Variants in YAP1 observed in about 807,000 individuals in gnomAD.
The protein encoded by YAP1 is transcriptional coactivator YAP1.
YAP1 carries 5 observed loss-of-function variants against 56.9 expected under a neutral mutation model. The ratio of observed to expected loss-of-function variants is 0.09; its 90% CI spans 0.05 to 0.18. The LOEUF (loss-of-function observed/expected upper bound fraction) is 0.18, where lower values mean the gene tolerates loss of function less well. YAP1 is among the 10% of genes least tolerant of loss of function. The pLI, the probability that YAP1 is intolerant of heterozygous loss-of-function variation, is 1.00. For missense variants in YAP1, 539 were observed against 651.8 expected, an observed-to-expected ratio of 0.83 and a Z score of 1.88; for synonymous variants, 265 against 248.1, an observed-to-expected ratio of 1.07 and a Z score of -0.64.
At chr11:102,137,684 T>G (rs952523132) in intron 2 of YAP1, among the ~76,000 whole-genome samples, 1 of 152,178 alleles carries the variant, frequency 6.6e-6, no homozygotes, top group African/African-American at 2.4e-5. Flanking sequence ...TTGAAACTAT[T>G]AGCACACACA....
chr11:102,219,339 G>T (rs1179900438), intron 6 of YAP1, among the ~76,000 whole-genome samples: 3 of 152,082 alleles, frequency 2.0e-5, no homozygotes, highest in Admixed American at 2.0e-4. Context: ...AAATAATTAC[G>T]ATATTTTGTG....
At chr11:102,164,036 T>A (rs1418329085) in intron 3 of YAP1, among the ~76,000 whole-genome samples, 21 of 144,344 alleles carry the variant, frequency 1.5e-4, no homozygotes, top group African/African-American at 3.9e-4. Flanking sequence ...AAGTAAAAAT[T>A]TTTTTTTTTT....
At chr11:102,111,265 G>T in intron 1 of YAP1, 96 bp downstream of exon 1, 1 of 1,459,086 alleles carries the variant, frequency 6.9e-7, no homozygotes, top group Non-Finnish European at 9.2e-7. Context: ...GTCAGGGGAG[G>T]GGGGTTGCGG....
At chr11:102,171,295 A>G (rs1591308090) in intron 3 of YAP1, among the ~76,000 whole-genome samples, 2 of 152,324 alleles carry the variant, frequency 1.3e-5, no homozygotes, top group Non-Finnish European at 2.9e-5. Context: ...GACTCATAGG[A>G]GGAATATTTG....
chr11:102,185,219 CCT>C (rs1039198177), intron 3 of YAP1, among the ~76,000 whole-genome samples: 14 of 152,122 alleles, frequency 9.2e-5, no homozygotes, highest in African/African-American at 3.4e-4. Flanking sequence ...TTATTCTGGG[CCT>C]CTCTTTTCAT....
At chr11:102,165,206 A>G (rs1308398447) in intron 3 of YAP1, among the ~76,000 whole-genome samples, 2 of 152,022 alleles carry the variant, frequency 1.3e-5, no homozygotes, top group Non-Finnish European at 2.9e-5. Flanking sequence ...AAAAAAAAAA[A>G]AATAGTCTGT....
At chr11:102,137,712 T>A (rs1565446537) in intron 2 of YAP1, among the ~76,000 whole-genome samples, 1 of 152,080 alleles carries the variant, frequency 6.6e-6, no homozygotes, top group African/African-American at 2.4e-5. Context: ...GTGGGTTGAT[T>A]TAGTTCTAAA....
intron 2 of YAP1, among the ~76,000 whole-genome samples, chr11:102,145,456 C>T (rs1455399007): frequency 6.6e-6 from 1 of 152,170 alleles, no homozygotes; most frequent in Non-Finnish European, 1.5e-5. Flanking sequence ...AAGTTGCTAT[C>T]AAATGTGGAA....
intron 3 of YAP1, among the ~76,000 whole-genome samples, chr11:102,184,387 C>T (rs1044785003): frequency 6.6e-6 from 1 of 152,272 alleles, no homozygotes; most frequent in Non-Finnish European, 1.5e-5. Flanking sequence ...ATGTGATAAA[C>T]AGGTTTGCTT....
At chr11:102,162,188 T>A (rs1338520463) in intron 2 of YAP1, among the ~76,000 whole-genome samples, 1 of 152,224 alleles carries the variant, frequency 6.6e-6, no homozygotes, top group Non-Finnish European at 1.5e-5. Context: ...AATAATTATC[T>A]TAATAGTTGA....
intron 4 of YAP1, among the ~76,000 whole-genome samples, chr11:102,200,205 CAG>C (rs1165774019): frequency 2.0e-5 from 3 of 152,048 alleles, no homozygotes; most frequent in African/African-American, 7.2e-5. Context: ...AACAAAATGT[CAG>C]AATTTATTCT....
At chr11:102,171,535 C>T (rs901568282) in intron 3 of YAP1, among the ~76,000 whole-genome samples, 24 of 152,110 alleles carry the variant, frequency 1.6e-4, no homozygotes, top group African/African-American at 5.3e-4. Context: ...ATTTGTTTTT[C>T]CTTCGGCAAA....
intron 6 of YAP1, among the ~76,000 whole-genome samples, chr11:102,223,289 A>G (rs969065016): frequency 6.6e-6 from 1 of 151,616 alleles, no homozygotes; most frequent in Admixed American, 6.6e-5. Context: ...TTTTTTTTTA[A>G]AGACCAGACT....
intron 6 of YAP1, among the ~76,000 whole-genome samples, chr11:102,222,281 T>C (rs1247181756): frequency 6.6e-6 from 1 of 152,082 alleles, no homozygotes; most frequent in East Asian, 1.9e-4. Context: ...TGTATGTATT[T>C]CAAATCAAAC....
chr11:102,118,060 A>G (rs1026907728), intron 2 of YAP1, among the ~76,000 whole-genome samples: 1 of 152,214 alleles, frequency 6.6e-6, no homozygotes, highest in African/African-American at 2.4e-5. Flanking sequence ...CTGATGCCTT[A>G]TAACTATTAC....
chr11:102,230,368 G>C lies in YAP1; in HGVS notation c.*428G>C, dbSNP rs1461079049. On this transcript the variant is annotated 3_prime_UTR_variant, in exon 9 of 9. Transcript: ENST00000282441. ...TTGTTTCTTCAGCTTCCTTTGTCCA[G>C]TGGAAAAACATGATTTACTGGTCTG... is the stretch of plus-strand genomic sequence containing the variant. 6.2e-6 allele frequency: 1 copy of C among 160,850 alleles called. No homozygotes were observed. Among genetic ancestry groups the C allele is most frequent in the Non-Finnish European group, 1.4e-5 (1 of 73,216 alleles). The allele number at this position is 160,850 out of a possible 1,614,324, so 10.0% of individuals were successfully genotyped here.
At chr11:102,221,857 GTTCTA>G (rs1949950309) in intron 6 of YAP1, among the ~76,000 whole-genome samples, 1 of 152,026 alleles carries the variant, frequency 6.6e-6, no homozygotes, top group Non-Finnish European at 1.5e-5. Flanking sequence ...ACATTTATAT[GTTCTA>G]TTGGTGAAAA....
chr11:102,143,183 A>G (rs1286916674), intron 2 of YAP1, among the ~76,000 whole-genome samples: 1 of 152,174 alleles, frequency 6.6e-6, no homozygotes, highest in African/African-American at 2.4e-5. Flanking sequence ...GCATAGGTTA[A>G]GAGAAATATA....
chr11:102,201,706 AAC>A (rs1461949615), intron 4 of YAP1, among the ~76,000 whole-genome samples: 4 of 152,194 alleles, frequency 2.6e-5, no homozygotes, highest in African/African-American at 9.7e-5. Context: ...CATGAGAAAA[AAC>A]AGTTGTTACA....
Sources: allele counts gnomAD v4.1 joint callset (sites outside exome capture counted in the v4.1 genomes callset), GRCh38; gene constraint gnomAD v4.1.1; transcripts MANE v1.5; gene names NCBI Gene and HGNC (gene_info 2026-07-23, HGNC 2026-07-21).